Variants in CPA4 observed in about 807,000 individuals in gnomAD.
CPA4 encodes the protein carboxypeptidase A3.
In CPA4, 49 loss-of-function variants were observed where a neutral mutation model predicts 54.7. The observed-to-expected ratio is 0.90, with a 90% confidence interval of 0.71 to 1.14. The LOEUF (loss-of-function observed/expected upper bound fraction) is 1.14, where lower values mean the gene tolerates loss of function less well. Ranked by LOEUF, CPA4 falls within the 50% of genes most tolerant of loss-of-function variation. The pLI, the probability that CPA4 is intolerant of heterozygous loss-of-function variation, is 0.00. For missense variants in CPA4, 487 were observed against 525.1 expected (o/e 0.93, Z 0.71); for synonymous variants, 215 against 206.8 (o/e 1.04, Z -0.34).
At chr7:130,315,635 A>G (rs975115910) in intron 10 of CPA4, among the ~76,000 whole-genome samples, 17 of 152,190 alleles carry the variant, frequency 1.1e-4, no homozygotes, top group African/African-American at 3.6e-4. Flanking sequence ...CGACAATAGA[A>G]ATTCGATTGT....
At chr7:130,320,967 G>C (rs952889891) in intron 10 of CPA4, among the ~76,000 whole-genome samples, 1 of 152,192 alleles carries the variant, frequency 6.6e-6, no homozygotes, top group Admixed American at 6.5e-5. Flanking sequence ...GGGAGGCTGA[G>C]GTGGGATGAT....
rs763081297 is a variant in CPA4, at chr7:130,322,659, C to T, written c.1249C>T (p.Arg417Trp). ...GCTGAAGACCATCATGGAGCATGTG[C>T]GGGACAACCTCTACTAGGCGATGGC... ...LGLKTIMEHV[R>W]DNLY is the part of the protein sequence containing the mutation. Residue 417 changes from arginine (R) to tryptophan (W), a missense_variant, in exon 11 of 11, where the codon CGG becomes TGG. Arg to Trp is a moderately radical substitution (Grantham distance 101). Coordinates refer to ENST00000222482, the MANE Select transcript of CPA4 (RefSeq NM_016352.4). 4.9e-5 allele frequency: 79 copies of T among 1,613,546 alleles called. 1 individual carries two copies. The highest frequency in any genetic ancestry group is 6.3e-5 in the Non-Finnish European group (74 of 1,179,796).
chr7:130,302,666 G>A (rs2117139115), intron 4 of CPA4, among the ~76,000 whole-genome samples: 1 of 152,250 alleles, frequency 6.6e-6, no homozygotes, highest in South Asian at 2.1e-4. Flanking sequence ...ACACAGCTTG[G>A]TGTTTTAACT....
At chr7:130,301,838 G>A (rs894884435) in intron 4 of CPA4, among the ~76,000 whole-genome samples, 6 of 152,140 alleles carry the variant, frequency 3.9e-5, no homozygotes, top group African/African-American at 1.4e-4. Context: ...ACATACATCT[G>A]CAAAACAGCT....
chr7:130,321,617 G>T (rs1286526308), intron 10 of CPA4, among the ~76,000 whole-genome samples: 2 of 152,170 alleles, frequency 1.3e-5, no homozygotes, highest in African/African-American at 4.8e-5. Flanking sequence ...TAATGGACTC[G>T]CAGTTCCACG....
At position 130,308,882 on chromosome 7, in the gene CPA4, C is replaced by G. The variant is rs1236343728; in HGVS notation, c.793+485C>G. Among the ~76,000 whole-genome samples the G allele has an allele frequency of 2.2e-5, 3 of 134,126 alleles. No homozygotes were observed. The South Asian group carries it at 6.5e-4, about 29-fold the overall frequency. The allele number at this position is 134,126 out of a possible 152,430, so 88.0% of individuals were successfully genotyped here. Reference sequence around the variant, plus strand: ...TTTTTTTTTGAGACAGAGTCTTGCTCCATCGCCCAGGCTGGAGTGCAGTGG... The same window carrying G: ...TTTTTTTTTGAGACAGAGTCTTGCTGCATCGCCCAGGCTGGAGTGCAGTGG... On this transcript the variant is annotated intron_variant, in intron 8 of 10. Transcript: ENST00000222482.
intron 10 of CPA4, among the ~76,000 whole-genome samples, chr7:130,315,111 G>C (rs1385361496): frequency 6.6e-6 from 1 of 152,024 alleles, no homozygotes; most frequent in African/African-American, 2.4e-5. Flanking sequence ...GGTGTGAGGG[G>C]GGGAATTGGG....
rs1226896646 is a variant in CPA4 at position 130,307,548 on chromosome 7, C to T, written c.702+651C>T. Among the ~76,000 whole-genome samples the T allele has an allele frequency of 3.4e-5, 5 of 148,170 alleles. No homozygotes were observed. The East Asian group carries it at 8.1e-4, about 24-fold the overall frequency. ...TTGGGAAGCTGAGGCAGGAGAATGA[C>T]GTGAACCCGGGAGGCGGAGCTTGCA... On this transcript the variant is annotated intron_variant, in intron 7 of 10. Transcript: ENST00000222482.
At chr7:130,312,804 G>A (rs2117155450) in intron 10 of CPA4, among the ~76,000 whole-genome samples, 1 of 152,248 alleles carries the variant, frequency 6.6e-6, no homozygotes, top group South Asian at 2.1e-4. Context: ...GTTTAGGGAG[G>A]GGGAGCTTAT....
intron 5 of CPA4, 122 bp from the exon 6 acceptor site, chr7:130,305,694 A>G: frequency 2.6e-6 from 2 of 778,160 alleles, no homozygotes; most frequent in Non-Finnish European, 4.3e-6. Context: ...TGGTGCCCTT[A>G]GGAACATTTG....
At chr7:130,311,114 T>A in intron 9 of CPA4, 128 bp downstream of exon 9, 1 of 713,180 alleles carries the variant, frequency 1.4e-6, no homozygotes, top group African/African-American at 1.8e-5. Flanking sequence ...AGGTCCAATC[T>A]TCTCTCCCTG....
rs1170441221 is a variant in CPA4, at chr7:130,304,403, A to G, written c.385-75A>G. ...CCGGAAGAGATAGTTAAGATCAACA[A>G]GGTAAATCACAGATATCCAGCCATA... On this transcript the variant is annotated intron_variant, in intron 4 of 10. Transcript: ENST00000222482. 3.4e-6 allele frequency: 3 copies of G among 886,850 alleles called. No individual in the cohort carries two copies. In the Admixed American group the frequency reaches 5.1e-5, roughly 15 times the overall value. The allele number at this position is 886,850 out of a possible 1,614,324, so 54.9% of individuals were successfully genotyped here.
chr7:130,318,696 C>T (rs780438831), intron 10 of CPA4, among the ~76,000 whole-genome samples: 1 of 152,182 alleles, frequency 6.6e-6, no homozygotes, highest in African/African-American at 2.4e-5. Flanking sequence ...CAGGCGTGAG[C>T]CACAGCACCC....
intron 10 of CPA4, among the ~76,000 whole-genome samples, chr7:130,321,912 A>C (rs1794111139): frequency 6.6e-6 from 1 of 152,186 alleles, no homozygotes; most frequent in East Asian, 1.9e-4. Flanking sequence ...TGCATTTTTC[A>C]TTCACTACCT....
At position 130,305,894 on chromosome 7, in the gene CPA4, G is replaced by A. The variant is rs771255976; in HGVS notation, c.565G>A (p.Ala189Thr). 1.2e-6 allele frequency: 2 copies of A among 1,613,916 alleles called. No individual in the cohort carries two copies. The highest frequency in any genetic ancestry group is 1.7e-6 in the Non-Finnish European group (2 of 1,179,914). ...CCATTCCCGAGAGTGGATCTCCCAGGCCACTGCAATCTGGACGGCAAGGAA... is the reference window on the plus strand; with the variant it reads ...CCATTCCCGAGAGTGGATCTCCCAGACCACTGCAATCTGGACGGCAAGGAA... ...GIHSREWISQ[A>T]TAIWTARKIV... is the part of the protein sequence containing the mutation. Residue 189 changes from alanine to threonine, a missense_variant, in exon 6 of 11, where the codon GCC becomes ACC. Coordinates refer to ENST00000222482, the MANE Select transcript of CPA4 (RefSeq NM_016352.4).
At chr7:130,318,892 A>T (rs1794036561) in intron 10 of CPA4, among the ~76,000 whole-genome samples, 1 of 152,160 alleles carries the variant, frequency 6.6e-6, no homozygotes, top group South Asian at 2.1e-4. Flanking sequence ...GCCTTTTCCT[A>T]GATCGCCATT....
At chr7:130,319,327 G>A (rs1018262295) in intron 10 of CPA4, among the ~76,000 whole-genome samples, 7 of 152,170 alleles carry the variant, frequency 4.6e-5, no homozygotes, top group Non-Finnish European at 8.8e-5. Flanking sequence ...ACGCTCATGT[G>A]TGACATATGC....
intron 10 of CPA4, among the ~76,000 whole-genome samples, chr7:130,316,709 G>A (rs1389116329): frequency 2.6e-5 from 4 of 152,020 alleles, no homozygotes; most frequent in Admixed American, 2.0e-4. Context: ...AGGCCGAGGC[G>A]GGTGGATCAC....
chr7:130,307,726 C>A (rs1793846959), intron 7 of CPA4, among the ~76,000 whole-genome samples: 1 of 152,066 alleles, frequency 6.6e-6, no homozygotes, highest in Non-Finnish European at 1.5e-5. Flanking sequence ...GTCTCTGCAG[C>A]CTCTTTTATT....
Sources: allele counts gnomAD v4.1 joint callset (sites outside exome capture counted in the v4.1 genomes callset), GRCh38; gene constraint gnomAD v4.1.1; transcripts MANE v1.5; gene names NCBI Gene and HGNC (gene_info 2026-07-23, HGNC 2026-07-21).